The following MAST4 variants were observed in gnomAD, a reference collection of about 807,000 sequenced individuals.
The protein encoded by MAST4 is microtubule-associated serine/threonine-protein kinase 4.
Under a neutral mutation model 162.7 loss-of-function variants are expected in MAST4, and 89 were observed. The observed-to-expected ratio is 0.55, with a 90% CI of 0.46 to 0.65. MAST4 has a LOEUF of 0.65. MAST4 is among the 30% of genes least tolerant of loss of function. The pLI is 0.00. For synonymous variants in MAST4, 1,479 were observed against 1,361.1 expected (o/e 1.09, Z -1.91); for missense variants, 3,153 against 3,374.0 (o/e 0.93, Z 1.62).
chr5:66,686,046 C>G (rs1401330891), intron 1 of MAST4, among the ~76,000 whole-genome samples: 1 of 152,114 alleles, frequency 6.6e-6, no homozygotes, highest in Non-Finnish European at 1.5e-5. Flanking sequence ...TTGCTCACCT[C>G]CTGCTGTGGG....
In MAST4 at chr5:66,779,600, C is replaced by A. The variant is rs536805904; in HGVS notation, c.518-9070C>A. Among the ~76,000 whole-genome samples, 46 of 152,072 alleles carry A rather than the reference C, an allele frequency of 3.0e-4. No homozygotes were observed. The South Asian group carries it at 9.4e-3, about 31-fold the overall frequency. ...GGACAAGAAATTGGAAGTCAGTCAC[C>A]CATGTGAGTGGAAGATGAAAGAAAC... On this transcript the variant is annotated intron_variant, in intron 2 of 28. Coordinates refer to ENST00000403625, the MANE Select transcript of MAST4 (RefSeq NM_001164664.2).
chr5:67,091,630 G>T (rs1383665945), intron 6 of MAST4, among the ~76,000 whole-genome samples: 2 of 152,140 alleles, frequency 1.3e-5, no homozygotes, highest in Non-Finnish European at 2.9e-5. Flanking sequence ...AGGGGAGAAT[G>T]CATTTAATTA....
intron 1 of MAST4, among the ~76,000 whole-genome samples, chr5:66,614,694 T>C (rs1194058205): frequency 6.6e-6 from 1 of 152,090 alleles, no homozygotes; most frequent in African/African-American, 2.4e-5. Context: ...GCAGATTTCT[T>C]TTGTGCCAAA....
intron 4 of MAST4, among the ~76,000 whole-genome samples, chr5:66,907,565 A>G (rs547601868): frequency 2.0e-5 from 3 of 148,156 alleles, no homozygotes; most frequent in South Asian, 4.4e-4. Context: ...CTTCTATATA[A>G]TGAAATGGGC....
intron 24 of MAST4, among the ~76,000 whole-genome samples, chr5:67,151,318 C>T (rs953699705): frequency 2.0e-5 from 3 of 146,800 alleles, no homozygotes. Context: ...GGGCTTGTTC[C>T]TCATGGACAG....
intron 3 of MAST4, among the ~76,000 whole-genome samples, chr5:66,829,421 C>T (rs1757451006): frequency 6.6e-6 from 1 of 152,118 alleles, no homozygotes; most frequent in Non-Finnish European, 1.5e-5. Context: ...ATATGTAACT[C>T]ACTGCCTTGC....
At chr5:67,146,442 A>G (rs1274614443) in intron 23 of MAST4, among the ~76,000 whole-genome samples, 1 of 152,224 alleles carries the variant, frequency 6.6e-6, no homozygotes, top group Non-Finnish European at 1.5e-5. Context: ...ATGTGCATTT[A>G]TGCTTTTTCA....
intron 3 of MAST4, among the ~76,000 whole-genome samples, chr5:66,834,875 G>A (rs536845534): frequency 1.3e-5 from 2 of 152,138 alleles, no homozygotes; most frequent in Non-Finnish European, 2.9e-5. Flanking sequence ...GCTGCAGGTC[G>A]TGCAAGTAGT....
chr5:66,910,133 C>A (rs966034080), intron 4 of MAST4, among the ~76,000 whole-genome samples: 5 of 152,166 alleles, frequency 3.3e-5, no homozygotes, highest in African/African-American at 1.2e-4. Context: ...AAGGGTAGAC[C>A]TCACAGAGTT....
chr5:66,784,831 C>T (rs975202661), intron 2 of MAST4, among the ~76,000 whole-genome samples: 65 of 152,124 alleles, frequency 4.3e-4, no homozygotes, highest in African/African-American at 1.5e-3. Flanking sequence ...ATCTTATCTG[C>T]CACTTTGTAA....
intron 4 of MAST4, among the ~76,000 whole-genome samples, chr5:66,921,962 CAAAAT>C (rs1234108283): frequency 6.6e-6 from 1 of 152,062 alleles, no homozygotes. Context: ...TAGATTGTCT[CAAAAT>C]GAAATGCCAC....
intron 1 of MAST4, among the ~76,000 whole-genome samples, chr5:66,692,056 T>C (rs1038876615): frequency 2.6e-5 from 4 of 152,172 alleles, no homozygotes; most frequent in Non-Finnish European, 5.9e-5. Context: ...TCTTTTGTTT[T>C]TGTGTAGCTG....
intron 3 of MAST4, among the ~76,000 whole-genome samples, chr5:66,864,943 G>A (rs925796442): frequency 6.6e-6 from 1 of 151,998 alleles, no homozygotes; most frequent in South Asian, 2.1e-4. Context: ...GGTTGAATTT[G>A]TAATATATTA....
At chr5:67,027,058 G>A (rs1172468712) in intron 4 of MAST4, among the ~76,000 whole-genome samples, 1 of 151,762 alleles carries the variant, frequency 6.6e-6, no homozygotes, top group Admixed American at 6.6e-5. Flanking sequence ...AAGAACACAT[G>A]TTTATATAAT....
chr5:66,639,278 TTGTGTGTG>T (rs70987132), intron 1 of MAST4, among the ~76,000 whole-genome samples: 12 of 138,720 alleles, frequency 8.7e-5, no homozygotes, highest in South Asian at 2.6e-4. Context: ...GAGAGGCAGC[TTGTGTGTG>T]TGTGTGTGTG....
chr5:66,615,354 G>T (rs1487210344), intron 1 of MAST4, among the ~76,000 whole-genome samples: 1 of 152,122 alleles, frequency 6.6e-6, no homozygotes, highest in Non-Finnish European at 1.5e-5. Context: ...AGAGGTTCAG[G>T]TGCCATGCAA....
At chr5:66,970,156 G>A (rs1747252284) in intron 4 of MAST4, among the ~76,000 whole-genome samples, 1 of 152,128 alleles carries the variant, frequency 6.6e-6, no homozygotes, top group African/African-American at 2.4e-5. Flanking sequence ...CACTGGGGTG[G>A]TGTGGACAGG....
At chr5:66,694,979 T>C (rs1320121829) in intron 1 of MAST4, among the ~76,000 whole-genome samples, 1 of 152,228 alleles carries the variant, frequency 6.6e-6, no homozygotes, top group East Asian at 1.9e-4. Flanking sequence ...GTCTGTTCAC[T>C]CTGATGATAG....
chr5:67,121,191 G>T, intron 14 of MAST4, 89 bp downstream of exon 14: 1 of 1,032,458 alleles, frequency 9.7e-7, no homozygotes, highest in Non-Finnish European at 1.4e-6. Flanking sequence ...CCAAATAGAA[G>T]CTGTATAGGG....
Sources: gnomAD v4.1 joint callset for allele counts (sites outside exome capture counted in the v4.1 genomes callset) on GRCh38, gnomAD v4.1.1 for gene constraint, MANE v1.5 for transcripts, NCBI Gene and HGNC (gene_info 2026-07-23, HGNC 2026-07-21) for gene names.